SRSF1: variants seen among roughly 807,000 people sequenced by gnomAD.
SRSF1 encodes serine and arginine rich splicing factor 1, also known as serine/arginine-rich splicing factor 1.
In SRSF1, 1 loss-of-function variant was observed where a neutral mutation model predicts 25.9. The ratio of observed to expected loss-of-function variants is 0.04; its 90% CI spans 0.01 to 0.18. The LOEUF is 0.18. Ranked by LOEUF, SRSF1 falls within the 10% of genes least tolerant of loss-of-function variation. The pLI is 1.00. For synonymous variants in SRSF1, 132 were observed against 126.2 expected (o/e 1.05, Z -0.31); for missense variants, 65 against 350.5 (o/e 0.19, Z 6.50).
At chr17:58,006,704 C>T (rs1332329888) in intron 1 of SRSF1, 177 bp from the exon 2 acceptor site, 1 of 898,556 alleles carries the variant, frequency 1.1e-6, no homozygotes, top group Non-Finnish European at 1.6e-6. Context: ...ACCACTACAC[C>T]AGCCCTCAGC....
chr17:57,997,097 G>T (rs1461905495), downstream of SRSF1, among the ~76,000 whole-genome samples: 2 of 152,164 alleles, frequency 1.3e-5, no homozygotes, highest in South Asian at 2.1e-4. Flanking sequence ...CAACTATTTA[G>T]TCTTTTTGGA....
In SRSF1 at chr17:58,007,164, G is replaced by C. The variant is rs2075435996; in HGVS notation, c.-27C>G. The C allele has an allele frequency of 1.2e-6, 2 of 1,612,192 alleles. No homozygotes were observed. Among genetic ancestry groups the C allele is most frequent in the South Asian group, 2.2e-5 (2 of 91,042 alleles). On this transcript the variant is annotated 5_prime_UTR_variant, in exon 1 of 4. Coordinates refer to ENST00000258962, the MANE Select transcript of SRSF1 (RefSeq NM_006924.5). ...GCGGTGACGAAAAGCGCGGACTCGA[G>C]AACAGGCCTTCCCACCAAGCCTAGC...
chr17:57,992,335 T>C, the SRSF1 span: 1 of 152,188 alleles, frequency 6.6e-6, no homozygotes, highest in Non-Finnish European at 1.5e-5. Context: ...CACCTGTTCC[T>C]TACTGCCCTC....
Position 58,005,469 on chromosome 17 carries a change from T to TGGG in SRSF1, c.681_683dup (p.Pro228dup). On this transcript the variant is annotated inframe_insertion, in exon 4 of 4. Coordinates refer to ENST00000258962, the MANE Select transcript of SRSF1 (RefSeq NM_006924.5). This position sits in a 1 kb window ranked among gnomAD's most constrained non-coding sequence, Gnocchi z 5.2. ...AGCGTGGTGATCCTCTGCTTCTCCT[T>TGGG]GGGGAGTAACTGCGACTCCTGCTGT... 1.2e-6 allele frequency: 2 copies of TGGG among 1,614,190 alleles called. No individual in the cohort carries two copies. The highest frequency in any genetic ancestry group is 1.7e-6 in the Non-Finnish European group (2 of 1,180,030).
Position 58,005,782 on chromosome 17 carries a change from G to A in SRSF1, c.552+19C>T. 6.2e-7 allele frequency: 1 copy of A among 1,614,120 alleles called. No individual in the cohort carries two copies. The highest frequency in any genetic ancestry group is 2.2e-5 in the East Asian group (1 of 44,884). On this transcript the variant is annotated intron_variant, in intron 3 of 3. Transcript: ENST00000258962. The surrounding 1 kb of genome is among the most constrained non-coding windows in gnomAD (Gnocchi z 5.2). Reference sequence around the variant, plus strand: ...TGTATCCAATTCTGGTCAAAGAAAAGAATACGTGTATAACCTACCTCATGA... The same window carrying A: ...TGTATCCAATTCTGGTCAAAGAAAAAAATACGTGTATAACCTACCTCATGA...
rs1472927975 is a variant in SRSF1, at chr17:58,001,632, C to T, written c.*3774G>A. Among the ~76,000 whole-genome samples, 2 of 152,046 alleles carry T rather than the reference C, an allele frequency of 1.3e-5. No homozygotes were observed. The highest frequency in any genetic ancestry group is 4.8e-5 in the African/African-American group (2 of 41,390). ...GGCTCCCTAAAATATTCTAAGGGGA[C>T]ATAAATAGGGAGAAGAGGGGGAAAT... On this transcript the variant is annotated 3_prime_UTR_variant, in exon 4 of 4. Coordinates refer to ENST00000258962, the MANE Select transcript of SRSF1 (RefSeq NM_006924.5).
chr17:57,990,596 T>C, the SRSF1 span: 1 of 152,194 alleles, frequency 6.6e-6, no homozygotes, highest in Non-Finnish European at 1.5e-5. Flanking sequence ...AAAATTTCTC[T>C]AACCAAACAA....
At chr17:58,006,627 G>T (rs1220691778) in intron 1 of SRSF1, 100 bp from the exon 2 acceptor site, 1 of 1,372,254 alleles carries the variant, frequency 7.3e-7, no homozygotes, top group Non-Finnish European at 9.8e-7. Flanking sequence ...ACCCAACGTG[G>T]AAGAGCCCAC....
chr17:57,993,779 GAAGTT>G, the SRSF1 span: 2 of 152,244 alleles, frequency 1.3e-5, no homozygotes, highest in African/African-American at 4.8e-5. Context: ...CTAGCTGACA[GAAGTT>G]AATTAGCCCT....
Position 58,006,928 on chromosome 17 carries a change from C to T in SRSF1, c.194+16G>A, listed in dbSNP as rs767265328. On this transcript the variant is annotated intron_variant, in intron 1 of 3. Coordinates refer to ENST00000258962, the MANE Select transcript of SRSF1 (RefSeq NM_006924.5). The stretch of plus-strand genomic sequence containing the variant: ...GGACCTATTTCCTCAAGGCTGCAAG[C>T]CCCATGCCGCCTCACCGCGGGTCCT... The T allele has an allele frequency of 3.1e-6, 5 of 1,613,600 alleles. No homozygotes were observed. Among genetic ancestry groups the T allele is most frequent in the Non-Finnish European group, 4.2e-6 (5 of 1,179,604 alleles).
rs748436001 is a variant in SRSF1 at position 58,006,347 on chromosome 17, G to A, written c.375C>T (p.Val125=). The A allele has an allele frequency of 1.4e-5, 22 of 1,611,276 alleles. No individual in the cohort carries two copies. Among genetic ancestry groups the A allele is most frequent in the Admixed American group, 6.7e-5 (4 of 59,836 alleles). Residue 125 remains valine (V), a synonymous_variant, in exon 2 of 4, where the codon GTC becomes GTT. Transcript: ENST00000258962. ...CCACACAACCAGTACACTCACCAGAGACAACCACTCTGTTTTCAGACCGCC... is the reference window on the plus strand; with the variant it reads ...CCACACAACCAGTACACTCACCAGAAACAACCACTCTGTTTTCAGACCGCC... ...PSRRSENRVV[V]SGLPPSGSWQ...
chr17:57,993,733 T>A, the SRSF1 span: 1 of 152,240 alleles, frequency 6.6e-6, no homozygotes, highest in African/African-American at 2.4e-5. Flanking sequence ...TTGAAGTACC[T>A]TTGGTCTCTA....
chr17:57,999,877 A>G (rs991605077), downstream of SRSF1, among the ~76,000 whole-genome samples: 3 of 152,188 alleles, frequency 2.0e-5, no homozygotes, highest in African/African-American at 7.2e-5. Context: ...CAGTTCTACC[A>G]ATAGTTGGCA....
chr17:58,000,975 A>G lies in SRSF1; in HGVS notation c.*4431T>C, dbSNP rs1449183525. 1.3e-5 allele frequency among the ~76,000 whole-genome samples: 2 copies of G among 152,154 alleles called. No individual in the cohort carries two copies. Among genetic ancestry groups the G allele is most frequent in the Admixed American group, 6.6e-5 (1 of 15,266 alleles). ...ACAACAGAAAATCTTTTGTTTTCGT[A>G]GTTTTTGGATTTCAAAAAATGGATA... On this transcript the variant is annotated 3_prime_UTR_variant, in exon 4 of 4. Transcript: ENST00000258962.
At chr17:57,999,957 GTGT>G (rs932828662), downstream of SRSF1, among the ~76,000 whole-genome samples, 18 of 152,164 alleles carry the variant, frequency 1.2e-4, no homozygotes, top group Admixed American at 3.3e-4. Context: ...GCTGAACTAA[GTGT>G]TGTTTTGCTT....
At chr17:58,006,910 T>C in intron 1 of SRSF1, 34 bp downstream of exon 1, 4 of 1,610,894 alleles carry the variant, frequency 2.5e-6, no homozygotes, top group Non-Finnish European at 3.4e-6. Context: ...CTCGGACCTA[T>C]TTCCTCAAGG....
rs1469033942 is a variant in SRSF1, at chr17:58,004,846, T to A, written c.*560A>T. 2 of 398,296 alleles carry A rather than the reference T, an allele frequency of 5.0e-6. No individual in the cohort carries two copies. The highest frequency in any genetic ancestry group is 8.9e-6 in the Non-Finnish European group (2 of 225,850). The allele number at this position is 398,296 out of a possible 1,614,324, so 24.7% of individuals were successfully genotyped here. A position where few individuals can be genotyped will look rare whatever the true frequency, so the allele number is the denominator to read the frequency against. On this transcript the variant is annotated 3_prime_UTR_variant, in exon 4 of 4. Coordinates refer to ENST00000258962, the MANE Select transcript of SRSF1 (RefSeq NM_006924.5). ...AGTGTTTTAAGGAAAATGTATATAA[T>A]CATTTTTAACCCCTGCCTTTTAGTA...
chr17:57,996,816 A>G (rs768477909), downstream of SRSF1, among the ~76,000 whole-genome samples: 68 of 152,170 alleles, frequency 4.5e-4, no homozygotes, highest in Non-Finnish European at 5.4e-4. Context: ...CTATAAACCT[A>G]AAGACCAGGG....
chr17:57,994,659 TGTG>T, the SRSF1 span: 1 of 152,230 alleles, frequency 6.6e-6, no homozygotes, highest in Non-Finnish European at 1.5e-5. Context: ...ACGTTCAGGC[TGTG>T]GTGAGAATTC....
Sources: gnomAD v4.1 joint callset for allele counts (sites outside exome capture counted in the v4.1 genomes callset) on GRCh38, gnomAD v4.1.1 for gene constraint, Gnocchi (gnomAD v3.1) non-coding constraint, MANE v1.5 for transcripts, NCBI Gene and HGNC (gene_info 2026-07-23, HGNC 2026-07-21) for gene names.